GEMIN2: variants seen among roughly 807,000 people sequenced by gnomAD.
GEMIN2 encodes gem nuclear organelle associated protein 2, also known as gem-associated protein 2.
In GEMIN2, 37 loss-of-function variants were observed where a neutral mutation model predicts 45.8. The ratio of observed to expected loss-of-function variants is 0.81; its 90% CI spans 0.62 to 1.06. The LOEUF is 1.06. Among genes scored for constraint, GEMIN2 ranks in the 50% least tolerant of loss-of-function variants. GEMIN2 has a pLI of 0.00. For synonymous variants in GEMIN2, 101 were observed against 111.5 expected (o/e 0.91, Z 0.60); for missense variants, 335 against 321.8 (o/e 1.04, Z -0.31).
chr14:39,129,106 G>C (rs1197494663), intron 7 of GEMIN2, among the ~76,000 whole-genome samples: 1 of 152,186 alleles, frequency 6.6e-6, no homozygotes, highest in African/African-American at 2.4e-5. Flanking sequence ...CTGAGTGACA[G>C]AGTGAGACCC....
At chr14:39,120,453 A>G (rs1400168648) in intron 4 of GEMIN2, among the ~76,000 whole-genome samples, 2 of 152,184 alleles carry the variant, frequency 1.3e-5, no homozygotes, top group African/African-American at 2.4e-5. Flanking sequence ...AATTGATCCA[A>G]TAATTTAAGC....
intron 5 of GEMIN2, 115 bp downstream of exon 5, chr14:39,122,658 A>C: frequency 1.9e-6 from 1 of 534,938 alleles, no homozygotes; most frequent in Non-Finnish European, 3.4e-6. Flanking sequence ...CCTTTTTTAT[A>C]TCCATGAGCT....
rs752281171 is a variant in GEMIN2 at position 39,128,359 on chromosome 14, A to T, written c.600+11A>T. Reference sequence around the variant, plus strand: ...TTTACTCCAGAATTGGTAGTATTGCATGTTTTTCTTTTCATAATGTAGGCA... The same window carrying T: ...TTTACTCCAGAATTGGTAGTATTGCTTGTTTTTCTTTTCATAATGTAGGCA... On this transcript the variant is annotated intron_variant, in intron 7 of 9. Coordinates refer to ENST00000308317, the MANE Select transcript of GEMIN2 (RefSeq NM_003616.3). The T allele has an allele frequency of 6.7e-7, 1 of 1,494,814 alleles. No individual in the cohort carries two copies. The highest frequency in any genetic ancestry group is 9.3e-7 in the Non-Finnish European group (1 of 1,079,408). 92.6% of individuals were successfully genotyped at this position (1,494,814 alleles called of 1,614,324 possible). A position where few individuals can be genotyped will look rare whatever the true frequency, so the allele number is the denominator to read the frequency against.
intron 8 of GEMIN2, among the ~76,000 whole-genome samples, chr14:39,133,313 A>G (rs1320890651): frequency 6.9e-6 from 1 of 145,850 alleles, no homozygotes; most frequent in Non-Finnish European, 1.5e-5. Context: ...TATATAATAT[A>G]TATGAATATA....
At chr14:39,132,318 G>T (rs946506121) in intron 8 of GEMIN2, among the ~76,000 whole-genome samples, 2 of 152,074 alleles carry the variant, frequency 1.3e-5, no homozygotes, top group Admixed American at 1.3e-4. Context: ...CTCACCTGAG[G>T]TCAGGAGTTT....
rs1171772778 is a variant in GEMIN2 at position 39,128,260 on chromosome 14, C to T, written c.532-20C>T. 2 of 1,383,338 alleles carry T rather than the reference C, an allele frequency of 1.4e-6. No individual in the cohort carries two copies. The highest frequency in any genetic ancestry group is 2.0e-6 in the Non-Finnish European group (2 of 989,792). The allele number at this position is 1,383,338 out of a possible 1,614,324, so 85.7% of individuals were successfully genotyped here. ...TTATTATTAATACAACTCTTCTCCA[C>T]CCCCTCTTTTTTTTTTTAGGCAACA... On this transcript the variant is annotated intron_variant, in intron 6 of 9. Coordinates refer to ENST00000308317, the MANE Select transcript of GEMIN2 (RefSeq NM_003616.3).
intron 6 of GEMIN2, among the ~76,000 whole-genome samples, chr14:39,126,031 A>G (rs2052636563): frequency 6.6e-6 from 1 of 152,062 alleles, no homozygotes; most frequent in African/African-American, 2.4e-5. Flanking sequence ...AAAAAAAAAA[A>G]AAGAAAGATT....
chr14:39,124,497 G>A (rs1227358063), intron 5 of GEMIN2, among the ~76,000 whole-genome samples: 1 of 152,116 alleles, frequency 6.6e-6, no homozygotes, highest in Non-Finnish European at 1.5e-5. Context: ...CAGACCAGGT[G>A]AGGTGGCTCA....
chr14:39,123,402 C>T (rs2052598108), intron 5 of GEMIN2, among the ~76,000 whole-genome samples: 1 of 151,886 alleles, frequency 6.6e-6, no homozygotes, highest in Admixed American at 6.6e-5. Context: ...GATATAGATA[C>T]CTCACAGAAA....
intron 7 of GEMIN2, among the ~76,000 whole-genome samples, chr14:39,130,554 A>AAC (rs2055069180): frequency 6.6e-6 from 1 of 152,174 alleles, no homozygotes; most frequent in African/African-American, 2.4e-5. Flanking sequence ...AATGTTATTA[A>AAC]ATACTCTAAA....
chr14:39,123,686 C>CTATATATATATATATATATATATATA (rs71130817), intron 5 of GEMIN2, among the ~76,000 whole-genome samples: 3 of 44,988 alleles, frequency 6.7e-5, no homozygotes, highest in South Asian at 1.0e-3. Flanking sequence ...TCAAAAATAG[C>CTATATATATATATATATATATATATA]TATATATATA....
Position 39,132,002 on chromosome 14 carries a change from G to C in GEMIN2, c.645G>C (p.Leu215Phe). Reference protein sequence around the residue: ...YALLACLEKPLLPEAHSLIRQ... With the variant: ...YALLACLEKPFLPEAHSLIRQ... Reference sequence around the variant, plus strand: ...TATTGGCTTGTCTTGAAAAGCCTTTGTTACCTGAGGCTCATTCACTGATTC... The same window carrying C: ...TATTGGCTTGTCTTGAAAAGCCTTTCTTACCTGAGGCTCATTCACTGATTC... The change falls in exon 8 of 10, where the codon TTG becomes TTC. Residue 215 changes from leucine (L) to phenylalanine (F), a missense_variant. By Grantham distance (22) the Leu-to-Phe change is conservative. Coordinates refer to ENST00000308317, the MANE Select transcript of GEMIN2 (RefSeq NM_003616.3). 6.2e-7 allele frequency: 1 copy of C among 1,606,468 alleles called. No homozygotes were observed. The highest frequency in any genetic ancestry group is 8.5e-7 in the Non-Finnish European group (1 of 1,173,768).
At chr14:39,116,436 T>C (rs2052507793) in intron 2 of GEMIN2, among the ~76,000 whole-genome samples, 1 of 143,288 alleles carries the variant, frequency 7.0e-6, no homozygotes, top group African/African-American at 2.6e-5. Context: ...TGAGATGGAG[T>C]CTCAGAGTCT....
intron 2 of GEMIN2, among the ~76,000 whole-genome samples, chr14:39,116,334 C>T (rs2052505587): frequency 6.6e-6 from 1 of 152,126 alleles, no homozygotes. Flanking sequence ...CCACGCCTGG[C>T]CAGCAAAGGT....
At chr14:39,133,406 A>C (rs1314374139) in intron 8 of GEMIN2, among the ~76,000 whole-genome samples, 1 of 150,018 alleles carries the variant, frequency 6.7e-6, no homozygotes, top group Non-Finnish European at 1.5e-5. Context: ...ATTTCCCCCA[A>C]GTTATCCCCC....
chr14:39,131,919 G>C, intron 7 of GEMIN2, 39 bp from the exon 8 acceptor site: 1 of 939,542 alleles, frequency 1.1e-6, no homozygotes, highest in Non-Finnish European at 1.7e-6. Flanking sequence ...TTCTGGTTCA[G>C]TATTTGTCTA....
intron 7 of GEMIN2, among the ~76,000 whole-genome samples, chr14:39,129,934 GTT>G (rs34165330): frequency 1.1e-4 from 7 of 61,428 alleles, no homozygotes; most frequent in South Asian, 1.7e-3. Context: ...AGACAAGTTT[GTT>G]TTTTTTTTTT....
intron 5 of GEMIN2, among the ~76,000 whole-genome samples, chr14:39,123,686 C>CCATATATATATATATATA (rs1262879720): frequency 2.2e-5 from 1 of 44,988 alleles, no homozygotes; most frequent in Admixed American, 4.0e-4. Context: ...TCAAAAATAG[C>CCATATATATATATATATA]TATATATATA....
intron 6 of GEMIN2, among the ~76,000 whole-genome samples, chr14:39,126,589 G>T (rs12101069): frequency 0.069 from 10,460 of 152,168 alleles, 1,206 homozygotes; most frequent in African/African-American, 0.24. Flanking sequence ...TTCCATCAGT[G>T]TCATTTTTGT....
Sources: allele counts gnomAD v4.1 joint callset (sites outside exome capture counted in the v4.1 genomes callset), GRCh38; gene constraint gnomAD v4.1.1; transcripts MANE v1.5; gene names NCBI Gene and HGNC (gene_info 2026-07-23, HGNC 2026-07-21).